Variants in SUFU observed in about 807,000 individuals in gnomAD.
SUFU encodes the protein suppressor of fused homolog.
In SUFU, 7 loss-of-function variants were observed where a neutral mutation model predicts 58.9. The observed-to-expected ratio is 0.12, with a 90% CI of 0.07 to 0.22. The LOEUF (loss-of-function observed/expected upper bound fraction) is 0.22, where lower values mean the gene tolerates loss of function less well. Among genes scored for constraint, SUFU ranks in the 10% least tolerant of loss-of-function variants. SUFU has a pLI of 1.00. For missense variants in SUFU, 451 were observed against 641.3 expected (o/e 0.70, Z 3.20); for synonymous variants, 232 against 254.8 (o/e 0.91, Z 0.85).
At chr10:102,595,602 C>A (rs1244738848) in intron 6 of SUFU, among the ~76,000 whole-genome samples, 2 of 133,722 alleles carry the variant, frequency 1.5e-5, no homozygotes, top group South Asian at 2.4e-4. Context: ...GCTGTTCTTC[C>A]TAGTCTGCAG....
At chr10:102,621,815 T>C (rs1321853978) in intron 10 of SUFU, among the ~76,000 whole-genome samples, 1 of 152,202 alleles carries the variant, frequency 6.6e-6, no homozygotes, top group Non-Finnish European at 1.5e-5. Flanking sequence ...TGGATTGTCA[T>C]ACCAAAGGGA....
At chr10:102,567,383 G>C (rs2063102623) in intron 3 of SUFU, among the ~76,000 whole-genome samples, 1 of 152,066 alleles carries the variant, frequency 6.6e-6, no homozygotes, top group Non-Finnish European at 1.5e-5. Context: ...TCTCTCAGTG[G>C]AAAATGACTG....
At chr10:102,535,282 C>T (rs1333674841) in intron 2 of SUFU, among the ~76,000 whole-genome samples, 3 of 151,978 alleles carry the variant, frequency 2.0e-5, no homozygotes, top group East Asian at 1.9e-4. Flanking sequence ...GTCTGGAGTT[C>T]GAGACCATCC....
intron 3 of SUFU, among the ~76,000 whole-genome samples, chr10:102,569,643 A>G (rs2063141158): frequency 6.6e-6 from 1 of 152,172 alleles, no homozygotes. Context: ...CCTTTCCTGT[A>G]TCTGATTGGT....
chr10:102,627,689 G>A (rs995919290), intron 11 of SUFU, among the ~76,000 whole-genome samples: 1 of 152,144 alleles, frequency 6.6e-6, no homozygotes, highest in Admixed American at 6.5e-5. Context: ...CTCTCGCCTC[G>A]GGCCACCCAG....
At chr10:102,524,989 C>T (rs892286026) in intron 2 of SUFU, among the ~76,000 whole-genome samples, 1 of 152,248 alleles carries the variant, frequency 6.6e-6, no homozygotes, top group African/African-American at 2.4e-5. Flanking sequence ...AGTTTGGACC[C>T]TTATTCCCAT....
At chr10:102,515,095 C>T (rs994521944) in intron 2 of SUFU, among the ~76,000 whole-genome samples, 1 of 152,216 alleles carries the variant, frequency 6.6e-6, no homozygotes, top group African/African-American at 2.4e-5. Flanking sequence ...CCCGTGGGGT[C>T]TGGAACTGCC....
intron 2 of SUFU, among the ~76,000 whole-genome samples, chr10:102,515,591 C>T (rs925741280): frequency 3.9e-5 from 6 of 152,182 alleles, no homozygotes; most frequent in Non-Finnish European, 8.8e-5. Context: ...GCTGGGATTA[C>T]AGGTGTGAGC....
intron 10 of SUFU, among the ~76,000 whole-genome samples, chr10:102,622,991 C>CAAAA (rs60442672): frequency 5.7e-4 from 33 of 58,326 alleles, no homozygotes; most frequent in Non-Finnish European, 9.4e-4. Flanking sequence ...AACTCCGTCT[C>CAAAA]AAAAAAAAAA....
Position 102,548,169 on chromosome 10 carries a change from TGATAGAGA to T in SUFU, c.318-1786_318-1779del, listed in dbSNP as rs201889832. On this transcript the variant is annotated intron_variant, in intron 2 of 11. Coordinates refer to ENST00000369902, the MANE Select transcript of SUFU (RefSeq NM_016169.4). ...ACCCTGTCTCAAAAAAATACATAGA[TGATAGAGA>T]GATAGAGAGATAGATAGATAGATAC... Among the ~76,000 whole-genome samples the T allele has an allele frequency of 8.9e-3, 1,348 of 152,026 alleles. 9 individuals are homozygous for T. Among genetic ancestry groups the T allele is most frequent in the East Asian group, 0.015 (80 of 5,164 alleles).
chr10:102,589,719 T>C (rs537520919), intron 3 of SUFU, among the ~76,000 whole-genome samples: 1 of 152,306 alleles, frequency 6.6e-6, no homozygotes, highest in Non-Finnish European at 1.5e-5. Flanking sequence ...GTGCTGGGAT[T>C]AGAGGCGTGA....
chr10:102,565,719 T>C (rs1311473265), intron 3 of SUFU, among the ~76,000 whole-genome samples: 6 of 152,126 alleles, frequency 3.9e-5, no homozygotes, highest in Non-Finnish European at 5.9e-5. Flanking sequence ...TAATTTTTTT[T>C]GTATTTTTAG....
In SUFU at chr10:102,628,295, CA is replaced by C. The variant is rs1307404447; in HGVS notation, c.1365+1053del. Among the ~76,000 whole-genome samples, 1 of 152,184 alleles carries C rather than the reference CA, an allele frequency of 6.6e-6. No individual in the cohort carries two copies. The highest frequency in any genetic ancestry group is 6.5e-5 in the Admixed American group (1 of 15,288). On this transcript the variant is annotated intron_variant, in intron 11 of 11. Transcript: ENST00000369902. This position sits in a 1 kb window ranked among gnomAD's most constrained non-coding sequence, Gnocchi z 4.5. ...GGCGGGACCGTCCAGTCCAGGTCTC[CA>C]GTTGGACAGGAACTCCCCAGAGCCA...
chr10:102,568,893 A>ATAT (rs1564685444), intron 3 of SUFU, among the ~76,000 whole-genome samples: 10 of 33,444 alleles, frequency 3.0e-4, no homozygotes, highest in Non-Finnish European at 5.2e-4. Flanking sequence ...AAAAAAAAAA[A>ATAT]AAAAATATAT....
chr10:102,514,363 A>G (rs2062439254), intron 2 of SUFU, among the ~76,000 whole-genome samples: 1 of 152,168 alleles, frequency 6.6e-6, no homozygotes, highest in Non-Finnish European at 1.5e-5. Flanking sequence ...CCTAAAAGGG[A>G]TGAAGAGTAT....
In SUFU at chr10:102,632,886, A is replaced by AG; in HGVS notation, c.*2737dup. 1 of 233,210 alleles carries AG rather than the reference A, an allele frequency of 4.3e-6. No homozygotes were observed. Among genetic ancestry groups the AG allele is most frequent in the Non-Finnish European group, 8.5e-6 (1 of 118,222 alleles). The allele number at this position is 233,210 out of a possible 1,614,324, so 14.4% of individuals were successfully genotyped here. ...GACTGCAGACTCAGCTGCAATTCTGAGGGGGGTTTGGGAGGCTTGTGCGAG... is the reference window on the plus strand; with the variant it reads ...GACTGCAGACTCAGCTGCAATTCTGAGGGGGGGTTTGGGAGGCTTGTGCGAG... On this transcript the variant is annotated 3_prime_UTR_variant, in exon 12 of 12. Coordinates refer to ENST00000369902, the MANE Select transcript of SUFU (RefSeq NM_016169.4).
intron 3 of SUFU, among the ~76,000 whole-genome samples, chr10:102,590,141 C>CT (rs1166697909): frequency 6.8e-4 from 52 of 76,162 alleles, no homozygotes; most frequent in African/African-American, 7.6e-4. Context: ...CCGACTTTTT[C>CT]TTTTTTTTTT....
At position 102,567,935 on chromosome 10, in the gene SUFU, T is replaced by C. The variant is rs148271312; in HGVS notation, c.454+17829T>C. On this transcript the variant is annotated intron_variant, in intron 3 of 11. Transcript: ENST00000369902. ...GAAGAACAGGACACTATCAACCTCCTGGGCCAACCGGGCATGTCTAGGTCC... is the reference window on the plus strand; with the variant it reads ...GAAGAACAGGACACTATCAACCTCCCGGGCCAACCGGGCATGTCTAGGTCC... Among the ~76,000 whole-genome samples, 673 of 152,216 alleles carry C rather than the reference T, an allele frequency of 4.4e-3. 7 individuals are homozygous for C. The highest frequency in any genetic ancestry group is 0.015 in the African/African-American group (641 of 41,534).
intron 3 of SUFU, among the ~76,000 whole-genome samples, chr10:102,560,640 C>CT (rs1371928306): frequency 6.6e-6 from 1 of 152,104 alleles, no homozygotes; most frequent in Non-Finnish European, 1.5e-5. Flanking sequence ...TTTCACCTTG[C>CT]TTTTTTAACT....
Sources: gnomAD v4.1 joint callset for allele counts (sites outside exome capture counted in the v4.1 genomes callset) on GRCh38, gnomAD v4.1.1 for gene constraint, Gnocchi (gnomAD v3.1) non-coding constraint, MANE v1.5 for transcripts, NCBI Gene and HGNC (gene_info 2026-07-23, HGNC 2026-07-21) for gene names.